The following DPYD variants were observed in gnomAD, a reference collection of about 807,000 sequenced individuals.
DPYD encodes dihydropyrimidine dehydrogenase [NADP(+)].
In DPYD, 109 loss-of-function variants were observed where a neutral mutation model predicts 116.2. That is an observed-to-expected ratio of 0.94 (90% confidence interval 0.80 to 1.10). DPYD has a LOEUF of 1.10. Among genes scored for constraint, DPYD ranks in the 50% least tolerant of loss-of-function variants. The pLI is 0.00. For missense variants in DPYD, 1,302 were observed against 1,254.5 expected, an observed-to-expected ratio of 1.04 and a Z score of -0.57; for synonymous variants, 440 against 432.0, an observed-to-expected ratio of 1.02 and a Z score of -0.23.
intron 14 of DPYD, among the ~76,000 whole-genome samples, chr1:97,408,069 C>T (rs1285805231): frequency 6.6e-6 from 1 of 152,148 alleles, no homozygotes; most frequent in Non-Finnish European, 1.5e-5. Context: ...TAGGGCATCT[C>T]TTACTATTAC....
intron 2 of DPYD, among the ~76,000 whole-genome samples, chr1:97,829,133 G>A (rs1404832949): frequency 1.3e-5 from 2 of 151,206 alleles, no homozygotes; most frequent in African/African-American, 4.9e-5. Flanking sequence ...ACTAGATTTA[G>A]TGTATTACTT....
At position 97,415,093 on chromosome 1, in the gene DPYD, G is replaced by A. The variant is rs190076461; in HGVS notation, c.1906-32632C>T. On this transcript the variant is annotated intron_variant, in intron 14 of 22. Transcript: ENST00000370192. Reference sequence around the variant, plus strand: ...AGAAGAAGGAGAAAACTTTCATTACGGGAAAAACAAACAAACAAAACCAGA... The same window carrying A: ...AGAAGAAGGAGAAAACTTTCATTACAGGAAAAACAAACAAACAAAACCAGA... Among the ~76,000 whole-genome samples, 22 of 152,062 alleles carry A rather than the reference G, an allele frequency of 1.4e-4. No homozygotes were observed. The East Asian group carries it at 2.1e-3, about 15-fold the overall frequency.
chr1:97,347,653 A>C (rs1669925576), intron 16 of DPYD, among the ~76,000 whole-genome samples: 1 of 151,998 alleles, frequency 6.6e-6, no homozygotes, highest in African/African-American at 2.4e-5. Context: ...TTGAGGGAGT[A>C]TTGTGTTTTT....
rs188288786 is a variant in DPYD, at chr1:97,420,350, T to C, written c.1905+29709A>G. 1.5e-3 allele frequency among the ~76,000 whole-genome samples: 224 copies of C among 152,242 alleles called. 3 individuals carry two copies. The highest frequency in any genetic ancestry group is 1.1e-3 in the Non-Finnish European group (78 of 68,012). ...GAGAACACTTCGTAATTTTCTGGGG[T>C]TGAAGATGAAAGAGTCTGTGTTTAA... On this transcript the variant is annotated intron_variant, in intron 14 of 22. Transcript: ENST00000370192.
chr1:97,450,059 G>GT lies in DPYD; in HGVS notation c.1904dup (p.Asn635LysfsTer6). ...GTTTTAGATGTTAAATCACACTTACGTTGTCTGGAAAGTCAGCCTTTAGTT... is the reference window on the plus strand; with the variant it reads ...GTTTTAGATGTTAAATCACACTTACGTTTGTCTGGAAAGTCAGCCTTTAGTT... On this transcript the variant is annotated frameshift_variant and splice_region_variant, in exon 14 of 23. Transcript: ENST00000370192. LOFTEE classifies it high-confidence loss of function. 4 of 1,613,728 alleles carry GT rather than the reference G, an allele frequency of 2.5e-6. No individual in the cohort carries two copies. The highest frequency in any genetic ancestry group is 3.4e-6 in the Non-Finnish European group (4 of 1,179,768).
At chr1:97,231,490 C>T (rs981094235) in intron 19 of DPYD, among the ~76,000 whole-genome samples, 1 of 152,090 alleles carries the variant, frequency 6.6e-6, no homozygotes, top group Non-Finnish European at 1.5e-5. Flanking sequence ...TGGCGGCAGG[C>T]AAGAGAGCAT....
At chr1:97,800,609 G>A (rs758049841) in intron 3 of DPYD, among the ~76,000 whole-genome samples, 2 of 151,786 alleles carry the variant, frequency 1.3e-5, no homozygotes, top group African/African-American at 2.4e-5. Context: ...TTCCTCACCA[G>A]ATAACCTTTC....
intron 20 of DPYD, among the ~76,000 whole-genome samples, chr1:97,124,007 G>A (rs1048800083): frequency 7.2e-5 from 11 of 152,080 alleles, no homozygotes; most frequent in African/African-American, 2.4e-4. Context: ...TTTAAATCAT[G>A]ATGGTTTTTT....
chr1:97,897,784 C>T (rs1673154956), intron 1 of DPYD, among the ~76,000 whole-genome samples: 1 of 151,802 alleles, frequency 6.6e-6, no homozygotes, highest in Admixed American at 6.6e-5. Flanking sequence ...TTTTAATGTT[C>T]TTCTCTGCTA....
intron 20 of DPYD, among the ~76,000 whole-genome samples, chr1:97,134,977 T>TTA (rs67314044): frequency 1.3e-5 from 2 of 150,584 alleles, no homozygotes; most frequent in African/African-American, 2.5e-5. Context: ...AGGTGGGGTC[T>TTA]TATATATATA....
At chr1:97,873,446 T>C (rs1404026656) in intron 2 of DPYD, among the ~76,000 whole-genome samples, 1 of 151,564 alleles carries the variant, frequency 6.6e-6, no homozygotes, top group Non-Finnish European at 1.5e-5. Context: ...TCATACTTCA[T>C]ATATATATAT....
chr1:97,690,599 T>C (rs1024619284), intron 7 of DPYD, among the ~76,000 whole-genome samples: 18 of 152,146 alleles, frequency 1.2e-4, no homozygotes, highest in Admixed American at 5.9e-4. Flanking sequence ...ATCTAATAGT[T>C]GGAAATTTCA....
intron 5 of DPYD, among the ~76,000 whole-genome samples, chr1:97,706,020 C>T (rs1437667643): frequency 6.6e-6 from 1 of 151,728 alleles, no homozygotes; most frequent in African/African-American, 2.4e-5. Context: ...TACATTTTCA[C>T]AGTAATCGCT....
chr1:97,176,769 AT>A (rs1176633514), intron 20 of DPYD, among the ~76,000 whole-genome samples: 1 of 152,054 alleles, frequency 6.6e-6, no homozygotes, highest in Non-Finnish European at 1.5e-5. Flanking sequence ...GAAGATAACA[AT>A]AAAGAGAGGA....
chr1:97,192,999 G>A, intron 20 of DPYD, 70 bp downstream of exon 20: 1 of 1,540,078 alleles, frequency 6.5e-7, no homozygotes, highest in South Asian at 1.1e-5. Context: ...AATGTGAGAT[G>A]GTAAATAAGA....
chr1:97,639,724 G>T (rs1458842578), intron 8 of DPYD, among the ~76,000 whole-genome samples: 1 of 151,994 alleles, frequency 6.6e-6, no homozygotes, highest in Non-Finnish European at 1.5e-5. Context: ...TCATATAATT[G>T]GTAGGTAAAC....
intron 8 of DPYD, among the ~76,000 whole-genome samples, chr1:97,654,121 C>T (rs949367187): frequency 6.6e-6 from 1 of 152,204 alleles, no homozygotes; most frequent in Non-Finnish European, 1.5e-5. Flanking sequence ...AGATGCCATT[C>T]ACAGAATTGC....
Position 97,407,437 on chromosome 1 carries a change from G to A in DPYD, c.1906-24976C>T, listed in dbSNP as rs144541639. Among the ~76,000 whole-genome samples the A allele has an allele frequency of 2.1e-3, 319 of 152,162 alleles. 3 individuals are homozygous for A. The highest frequency in any genetic ancestry group is 6.7e-3 in the African/African-American group (280 of 41,514). On this transcript the variant is annotated intron_variant, in intron 14 of 22. Coordinates refer to ENST00000370192, the MANE Select transcript of DPYD (RefSeq NM_000110.4). ...GCATGTTCAATTAGATAATCCTGGC[G>A]TGTACATTAGTGGTACTGTGTCTTA...
chr1:97,615,625 T>C (rs765273609), intron 8 of DPYD, among the ~76,000 whole-genome samples: 6 of 152,130 alleles, frequency 3.9e-5, no homozygotes, highest in Non-Finnish European at 1.5e-5. Context: ...TTTTCTATCC[T>C]GGCTGACAAA....
Sources: allele counts gnomAD v4.1 joint callset (sites outside exome capture counted in the v4.1 genomes callset), GRCh38; gene constraint gnomAD v4.1.1; transcripts MANE v1.5; gene names NCBI Gene and HGNC (gene_info 2026-07-23, HGNC 2026-07-21).